CHIC2: variants seen among roughly 807,000 people sequenced by gnomAD.
CHIC2 encodes cysteine rich hydrophobic domain 2.
A neutral mutation model predicts 25.9 loss-of-function variants in CHIC2; 14 were observed. The observed-to-expected ratio is 0.54, with a 90% CI of 0.36 to 0.85. CHIC2 has a LOEUF of 0.85. Ranked by LOEUF, CHIC2 falls within the 40% of genes least tolerant of loss-of-function variation. CHIC2 has a pLI of 0.01. For missense variants in CHIC2, 146 were observed against 202.0 expected (o/e 0.72, Z 1.68); for synonymous variants, 70 against 72.0 (o/e 0.97, Z 0.14).
In CHIC2 at chr4:54,059,251, G is replaced by A. The variant is rs138606734; in HGVS notation, c.119+4931C>T. 2.3e-3 allele frequency among the ~76,000 whole-genome samples: 345 copies of A among 152,204 alleles called. 5 individuals carry two copies. The East Asian group carries it at 0.057, about 25-fold the overall frequency. On this transcript the variant is annotated intron_variant, in intron 1 of 5. Coordinates refer to ENST00000263921, the MANE Select transcript of CHIC2 (RefSeq NM_012110.4). ...ATAAGAAAAATCTCTGGGAAGCCAC[G>A]CATGGTGGTTTATACATACAATCCC...
the CHIC2 span, chr4:54,087,216 G>C: frequency 1.5e-6 from 1 of 653,178 alleles, no homozygotes; most frequent in South Asian, 1.7e-5. Context: ...CAGACCCCAG[G>C]GAAGGAAAGA....
At chr4:54,041,388 G>A (rs1357188893) in intron 3 of CHIC2, among the ~76,000 whole-genome samples, 1 of 152,006 alleles carries the variant, frequency 6.6e-6, no homozygotes, top group East Asian at 1.9e-4. Context: ...TTAACATACA[G>A]TACCTAGACA....
intron 3 of CHIC2, among the ~76,000 whole-genome samples, chr4:54,018,304 G>C (rs1011003761): frequency 2.6e-5 from 4 of 151,996 alleles, no homozygotes; most frequent in Non-Finnish European, 5.9e-5. Flanking sequence ...AAGATTTCCT[G>C]AAAATTCAAA....
the CHIC2 span, chr4:54,087,013 C>G: frequency 9.5e-7 from 1 of 1,053,866 alleles, no homozygotes; most frequent in Non-Finnish European, 1.5e-6. Flanking sequence ...AAGCAACATG[C>G]AGAGATGAGA....
At chr4:54,014,474 A>T (rs538883118) in intron 3 of CHIC2, among the ~76,000 whole-genome samples, 11 of 152,324 alleles carry the variant, frequency 7.2e-5, no homozygotes, top group Admixed American at 2.6e-4. Context: ...TACATATTTT[A>T]AAACAAAAGT....
intron 3 of CHIC2, among the ~76,000 whole-genome samples, chr4:54,030,523 G>GAAAA (rs375404677): frequency 1.7e-5 from 2 of 114,798 alleles, no homozygotes; most frequent in South Asian, 2.7e-4. Flanking sequence ...TATCTCAAAA[G>GAAAA]AAAAAAAAAA....
chr4:54,056,652 A>C (rs1717185822), intron 1 of CHIC2, among the ~76,000 whole-genome samples: 1 of 152,320 alleles, frequency 6.6e-6, no homozygotes, highest in South Asian at 2.1e-4. Context: ...TCAAAATAAC[A>C]AAGTTAGGTT....
chr4:54,032,450 T>C (rs1443729653), intron 3 of CHIC2, among the ~76,000 whole-genome samples: 5 of 152,026 alleles, frequency 3.3e-5, no homozygotes, highest in Non-Finnish European at 7.4e-5. Flanking sequence ...ATTTTTTTGG[T>C]GGAGACGGGG....
intron 1 of CHIC2, among the ~76,000 whole-genome samples, chr4:54,053,619 G>C (rs1013861558): frequency 6.6e-6 from 1 of 150,636 alleles, no homozygotes; most frequent in Non-Finnish European, 1.5e-5. Context: ...TTCCAGAAAT[G>C]TATCAAGAGA....
chr4:54,081,404 T>G, the CHIC2 span, among the ~76,000 whole-genome samples: 1 of 151,850 alleles, frequency 6.6e-6, no homozygotes, highest in East Asian at 1.9e-4. Flanking sequence ...TAGTAGAGTG[T>G]CTGGCATGGC....
At chr4:54,039,230 G>C (rs1187333217) in intron 3 of CHIC2, among the ~76,000 whole-genome samples, 1 of 151,880 alleles carries the variant, frequency 6.6e-6, no homozygotes, top group Non-Finnish European at 1.5e-5. Flanking sequence ...TTTTTTTAAA[G>C]CGATGAATTC....
chr4:54,038,400 G>A (rs1716457444), intron 3 of CHIC2, among the ~76,000 whole-genome samples: 1 of 152,082 alleles, frequency 6.6e-6, no homozygotes, highest in Admixed American at 6.5e-5. Context: ...AAATACTTAT[G>A]TATAAAGCTA....
At chr4:54,082,231 G>T in the CHIC2 span, among the ~76,000 whole-genome samples, 18 of 152,294 alleles carry the variant, frequency 1.2e-4, no homozygotes, top group African/African-American at 4.3e-4. Context: ...AGGTGGATAA[G>T]ACAGAACATT....
the CHIC2 span, chr4:54,087,174 A>G: frequency 9.5e-6 from 7 of 733,094 alleles, no homozygotes; most frequent in Admixed American, 5.5e-5. Context: ...ACTCCTGGAA[A>G]CAGATATGGG....
chr4:54,020,485 G>A (rs1159813610), intron 3 of CHIC2, among the ~76,000 whole-genome samples: 2 of 152,134 alleles, frequency 1.3e-5, no homozygotes, highest in Non-Finnish European at 2.9e-5. Flanking sequence ...TTGTTTGGTG[G>A]TCTCTTCACA....
At chr4:54,018,107 GA>G (rs1715795547) in intron 3 of CHIC2, among the ~76,000 whole-genome samples, 1 of 152,016 alleles carries the variant, frequency 6.6e-6, no homozygotes, top group Non-Finnish European at 1.5e-5. Context: ...GGAAAAACAT[GA>G]AAACGGAAAG....
upstream of CHIC2, among the ~76,000 whole-genome samples, chr4:54,066,927 G>A (rs1318692929): frequency 1.3e-5 from 2 of 152,194 alleles, no homozygotes; most frequent in African/African-American, 4.8e-5. Context: ...CCAAGATAAG[G>A]GGCTAGTGCC....
At chr4:54,037,480 A>G (rs955255819) in intron 3 of CHIC2, among the ~76,000 whole-genome samples, 2 of 152,236 alleles carry the variant, frequency 1.3e-5, no homozygotes, top group Non-Finnish European at 2.9e-5. Flanking sequence ...GCACTTGCAC[A>G]GGGAAGTTTC....
intron 5 of CHIC2, among the ~76,000 whole-genome samples, chr4:54,010,498 T>C (rs1340682369): frequency 6.6e-6 from 1 of 152,128 alleles, no homozygotes; most frequent in Non-Finnish European, 1.5e-5. Flanking sequence ...GAAAAGAGGC[T>C]AGTATTTACT....
Sources: gnomAD v4.1 joint callset for allele counts (sites outside exome capture counted in the v4.1 genomes callset) on GRCh38, gnomAD v4.1.1 for gene constraint, MANE v1.5 for transcripts, NCBI Gene and HGNC (gene_info 2026-07-23, HGNC 2026-07-21) for gene names.